Variants in RAI14 observed in about 807,000 individuals in gnomAD.
The protein encoded by RAI14 is ankycorbin.
Under a neutral mutation model 115.4 loss-of-function variants are expected in RAI14, and 45 were observed. The observed-to-expected ratio is 0.39, with a 90% CI of 0.31 to 0.50. RAI14 has a LOEUF of 0.50. RAI14 is among the 20% of genes least tolerant of loss of function. The pLI is 0.85. For missense variants in RAI14, 939 were observed against 1,131.2 expected (o/e 0.83, Z 2.44); for synonymous variants, 371 against 415.4 (o/e 0.89, Z 1.30).
At chr5:34,666,901 G>A (rs2149848642) in intron 1 of RAI14, among the ~76,000 whole-genome samples, 1 of 152,312 alleles carries the variant, frequency 6.6e-6, no homozygotes, top group South Asian at 2.1e-4. Flanking sequence ...GACAAGCCCT[G>A]CCCTCGGGGA....
At chr5:34,757,197 T>C (rs1288161695) in intron 2 of RAI14, 7 of 492,710 alleles carry the variant, frequency 1.4e-5, no homozygotes, top group Middle Eastern at 3.1e-4. Flanking sequence ...CGTTGCTTCA[T>C]ATTCCTAGTG....
At chr5:34,687,962 C>T in intron 2 of RAI14, 2 of 1,070,930 alleles carry the variant, frequency 1.9e-6, no homozygotes, top group South Asian at 1.7e-5. Context: ...TGATAAAACC[C>T]AGGCTAGATG....
chr5:34,752,751 A>ATATATATATATATATATATATG (rs1747272392), intron 2 of RAI14, among the ~76,000 whole-genome samples: 3 of 105,574 alleles, frequency 2.8e-5, no homozygotes, highest in African/African-American at 1.4e-4. Flanking sequence ...GTGTGTGTGT[A>ATATATATATATATATATATATG]TATATATATA....
rs1188586034 is a variant in RAI14 at position 34,795,947 on chromosome 5, T to G, written c.176T>G (p.Leu59Arg). 1 of 1,613,156 alleles carries G rather than the reference T, an allele frequency of 6.2e-7. No homozygotes were observed. Among genetic ancestry groups the G allele is most frequent in the Non-Finnish European group, 8.5e-7 (1 of 1,179,150 alleles). Residue 59 changes from leucine to arginine, a missense_variant, in exon 4 of 18, where the codon CTT becomes CGT. Coordinates refer to ENST00000265109, the MANE Select transcript of RAI14 (RefSeq NM_015577.3). ...TTTACTTCTCTTTCCAGTTTCCATC[T>G]TGCTGCTGCAAAAGGACACGTGGAA... ...HDSEGKTAFH[L>R]AAAKGHVECL...
intron 1 of RAI14, among the ~76,000 whole-genome samples, chr5:34,681,498 AT>A (rs911749636): frequency 6.6e-6 from 1 of 151,910 alleles, no homozygotes; most frequent in African/African-American, 2.4e-5. Context: ...ATGGAATATT[AT>A]TATTATTTTT....
intron 3 of RAI14, among the ~76,000 whole-genome samples, chr5:34,792,642 T>C (rs1439519594): frequency 6.6e-6 from 1 of 152,234 alleles, no homozygotes; most frequent in Non-Finnish European, 1.5e-5. Context: ...TAGAATTTTC[T>C]TGCAGAAACA....
intron 1 of RAI14, chr5:34,667,436 A>T (rs1397332508): frequency 2.0e-5 from 3 of 152,036 alleles, no homozygotes; most frequent in Admixed American, 2.0e-4. Flanking sequence ...GGGTTTCATC[A>T]TGTTACCCGG....
At chr5:34,684,057 G>A (rs371549932) in intron 1 of RAI14, among the ~76,000 whole-genome samples, 2 of 152,276 alleles carry the variant, frequency 1.3e-5, no homozygotes, top group African/African-American at 2.4e-5. Flanking sequence ...AACAGTTGGC[G>A]TAGAAACCCT....
At chr5:34,724,688 T>C (rs1743224007) in intron 2 of RAI14, among the ~76,000 whole-genome samples, 1 of 152,194 alleles carries the variant, frequency 6.6e-6, no homozygotes, top group Non-Finnish European at 1.5e-5. Context: ...AGGAGTTGAT[T>C]CTCAGAGACT....
chr5:34,677,309 G>A (rs917519617), intron 1 of RAI14, among the ~76,000 whole-genome samples: 3 of 152,058 alleles, frequency 2.0e-5, no homozygotes, highest in African/African-American at 7.2e-5. Context: ...GATTATGGGT[G>A]CGCACCACCA....
chr5:34,808,486 T>C (rs1467500690), intron 6 of RAI14, 98 bp from the exon 7 acceptor site: 3 of 1,059,288 alleles, frequency 2.8e-6, no homozygotes, highest in Admixed American at 1.9e-5. Flanking sequence ...ATATGTAGAG[T>C]GGGTAGAACA....
intron 2 of RAI14, among the ~76,000 whole-genome samples, chr5:34,710,309 A>T (rs781386677): frequency 2.0e-5 from 3 of 152,082 alleles, no homozygotes; most frequent in Non-Finnish European, 2.9e-5. Context: ...TAGGTGCATT[A>T]TTCTAGTCCT....
intron 2 of RAI14, among the ~76,000 whole-genome samples, chr5:34,699,491 G>A (rs996092267): frequency 3.9e-5 from 6 of 152,246 alleles, no homozygotes; most frequent in South Asian, 2.1e-4. Context: ...TTTGTATAGC[G>A]TTTTCCCTGT....
intron 3 of RAI14, among the ~76,000 whole-genome samples, chr5:34,779,388 G>A (rs1192478301): frequency 6.6e-6 from 1 of 152,172 alleles, no homozygotes; most frequent in Non-Finnish European, 1.5e-5. Flanking sequence ...TCAGGCAGGA[G>A]AAAGAAATAA....
At position 34,815,329 on chromosome 5, in the gene RAI14, C is replaced by T. The variant is rs186568164; in HGVS notation, c.939+660C>T. On this transcript the variant is annotated intron_variant, in intron 12 of 17. Transcript: ENST00000265109. ...CCAAGAGGCAGAGATTGCAGTGAGC[C>T]GAGATCGCGCCACTGCACTCTAGCT... is the stretch of plus-strand genomic sequence containing the variant. Among the ~76,000 whole-genome samples the T allele has an allele frequency of 2.6e-4, 40 of 151,410 alleles. No individual in the cohort carries two copies. In the East Asian group the frequency reaches 3.7e-3, roughly 14 times the overall value.
chr5:34,694,798 G>A (rs1739020647), intron 2 of RAI14, among the ~76,000 whole-genome samples: 2 of 152,168 alleles, frequency 1.3e-5, no homozygotes, highest in African/African-American at 4.8e-5. Flanking sequence ...ATTTCCCAAT[G>A]CTGAGAATGT....
At chr5:34,762,027 T>C (rs560625062) in intron 3 of RAI14, among the ~76,000 whole-genome samples, 2 of 152,178 alleles carry the variant, frequency 1.3e-5, no homozygotes, top group African/African-American at 4.8e-5. Flanking sequence ...TAGAGTACAG[T>C]AAAGCTCCCT....
intron 1 of RAI14, among the ~76,000 whole-genome samples, chr5:34,677,420 G>A (rs1744067431): frequency 6.6e-6 from 1 of 151,870 alleles, no homozygotes; most frequent in Non-Finnish European, 1.5e-5. Context: ...CAAAGTTCTG[G>A]GATTACAGGC....
intron 3 of RAI14, among the ~76,000 whole-genome samples, chr5:34,771,788 C>G (rs914317232): frequency 2.0e-5 from 3 of 152,114 alleles, no homozygotes; most frequent in African/African-American, 7.2e-5. Context: ...CTAATCTGTC[C>G]CACTGAGAAC....
Sources: allele counts gnomAD v4.1 joint callset (sites outside exome capture counted in the v4.1 genomes callset), GRCh38; gene constraint gnomAD v4.1.1; transcripts MANE v1.5; gene names NCBI Gene and HGNC (gene_info 2026-07-23, HGNC 2026-07-21).